Variants in KHDRBS2 observed in about 807,000 individuals in gnomAD.
KHDRBS2 encodes the protein KH domain-containing, RNA-binding, signal transduction-associated protein 2.
Under a neutral mutation model 44.3 loss-of-function variants are expected in KHDRBS2, and 26 were observed. That is an observed-to-expected ratio of 0.59 (90% CI 0.43 to 0.81). The LOEUF (loss-of-function observed/expected upper bound fraction) is 0.81. Ranked by LOEUF, KHDRBS2 falls within the 40% of genes least tolerant of loss-of-function variation. The probability of loss-of-function intolerance (pLI) is 0.00; values close to 1 mark genes in which losing one functional copy is unlikely to be tolerated. For synonymous variants in KHDRBS2, 194 were observed against 151.1 expected (o/e 1.28, Z -2.08); for missense variants, 476 against 433.1 (o/e 1.10, Z -0.88).
At chr6:62,038,830 AC>A (rs1785860869) in intron 3 of KHDRBS2, among the ~76,000 whole-genome samples, 2 of 151,848 alleles carry the variant, frequency 1.3e-5, no homozygotes, top group Non-Finnish European at 2.9e-5. Context: ...AACAACAACA[AC>A]CTTTGCATCA....
At chr6:61,638,578 A>T in the KHDRBS2 span, among the ~76,000 whole-genome samples, 5 of 152,166 alleles carry the variant, frequency 3.3e-5, no homozygotes, top group Non-Finnish European at 7.3e-5. Flanking sequence ...AGGCATTACC[A>T]TTCAGGGCAT....
chr6:62,094,250 T>C (rs1192242778), intron 2 of KHDRBS2, among the ~76,000 whole-genome samples: 2 of 151,908 alleles, frequency 1.3e-5, no homozygotes, highest in African/African-American at 4.8e-5. Flanking sequence ...GTAAGGGGTA[T>C]CTCATTTTAA....
chr6:61,640,056 T>C, the KHDRBS2 span, among the ~76,000 whole-genome samples: 3 of 152,074 alleles, frequency 2.0e-5, no homozygotes, highest in Non-Finnish European at 4.4e-5. Context: ...TGGATGATAC[T>C]AAGAATCTGT....
intron 6 of KHDRBS2, among the ~76,000 whole-genome samples, chr6:61,754,047 C>G (rs1451552964): frequency 6.6e-6 from 1 of 152,110 alleles, no homozygotes; most frequent in Non-Finnish European, 1.5e-5. Flanking sequence ...CCAGAGGGAA[C>G]AAGTTCTCAT....
At chr6:62,174,818 A>G (rs1311318042) in intron 2 of KHDRBS2, among the ~76,000 whole-genome samples, 1 of 151,806 alleles carries the variant, frequency 6.6e-6, no homozygotes, top group African/African-American at 2.4e-5. Flanking sequence ...TGAAGGATAA[A>G]TCACTTTTTT....
chr6:61,609,268 G>T, the KHDRBS2 span, among the ~76,000 whole-genome samples: 2 of 152,294 alleles, frequency 1.3e-5, no homozygotes, highest in African/African-American at 2.4e-5. Context: ...CTGAGGCAGA[G>T]AATCGCTTAA....
intron 1 of KHDRBS2, among the ~76,000 whole-genome samples, chr6:62,247,634 GT>G (rs1835818347): frequency 6.6e-6 from 1 of 151,916 alleles, no homozygotes; most frequent in Non-Finnish European, 1.5e-5. Context: ...GTTGTCTTAG[GT>G]TCTCTAAGCA....
At chr6:61,678,403 T>A (rs1417251327), downstream of KHDRBS2, among the ~76,000 whole-genome samples, 1 of 151,986 alleles carries the variant, frequency 6.6e-6, no homozygotes, top group African/African-American at 2.4e-5. Context: ...AGCTTACTGA[T>A]CAGTCTAATG....
At chr6:62,163,353 A>C (rs1818029918) in intron 2 of KHDRBS2, among the ~76,000 whole-genome samples, 1 of 152,088 alleles carries the variant, frequency 6.6e-6, no homozygotes, top group Non-Finnish European at 1.5e-5. Context: ...GGAAAAACTG[A>C]ACAGCAATGT....
At chr6:62,026,235 A>G (rs1225921172) in intron 3 of KHDRBS2, among the ~76,000 whole-genome samples, 1 of 151,324 alleles carries the variant, frequency 6.6e-6, no homozygotes, top group Non-Finnish European at 1.5e-5. Context: ...CACTTTCCCC[A>G]CTTGGCAATA....
At chr6:62,090,049 A>G (rs915318950) in intron 2 of KHDRBS2, among the ~76,000 whole-genome samples, 1 of 152,206 alleles carries the variant, frequency 6.6e-6, no homozygotes, top group African/African-American at 2.4e-5. Context: ...TAGAAAAAGC[A>G]TTAGTAAATG....
chr6:61,877,091 T>C (rs1562353375), intron 6 of KHDRBS2, among the ~76,000 whole-genome samples: 1 of 152,040 alleles, frequency 6.6e-6, no homozygotes, highest in Admixed American at 6.6e-5. Flanking sequence ...TGCCACAATG[T>C]CAGAGTTGAG....
intron 3 of KHDRBS2, among the ~76,000 whole-genome samples, chr6:61,978,698 A>G (rs1013492149): frequency 1.3e-5 from 2 of 152,114 alleles, no homozygotes; most frequent in Non-Finnish European, 2.9e-5. Flanking sequence ...TATACAAGTC[A>G]AGGCTTATTT....
intron 6 of KHDRBS2, among the ~76,000 whole-genome samples, chr6:61,792,974 A>G (rs1254833348): frequency 1.3e-5 from 2 of 151,966 alleles, no homozygotes; most frequent in East Asian, 1.9e-4. Context: ...TAAGAAGATT[A>G]AGACCAGTAA....
chr6:61,976,725 T>C (rs1351539671), intron 4 of KHDRBS2, among the ~76,000 whole-genome samples: 2 of 152,180 alleles, frequency 1.3e-5, no homozygotes, highest in African/African-American at 4.8e-5. Flanking sequence ...CTTGAAGTCA[T>C]GTAGTATGTT....
intron 2 of KHDRBS2, among the ~76,000 whole-genome samples, chr6:62,157,215 C>T (rs1041363688): frequency 6.6e-6 from 1 of 151,304 alleles, no homozygotes; most frequent in Non-Finnish European, 1.5e-5. Context: ...CCCAGCTACT[C>T]GGGAGGCTGT....
intron 3 of KHDRBS2, among the ~76,000 whole-genome samples, chr6:62,042,805 C>T (rs1275003570): frequency 2.0e-5 from 3 of 152,090 alleles, no homozygotes; most frequent in Non-Finnish European, 4.4e-5. Flanking sequence ...AGAAACTGCA[C>T]ATTATTACTG....
At chr6:61,954,954 A>G (rs1476745845) in intron 4 of KHDRBS2, among the ~76,000 whole-genome samples, 5 of 142,044 alleles carry the variant, frequency 3.5e-5, no homozygotes, top group Admixed American at 2.1e-4. Flanking sequence ...GTATACATAT[A>G]TATGTATATA....
At chr6:62,208,992 A>G (rs968255152) in intron 1 of KHDRBS2, among the ~76,000 whole-genome samples, 1 of 152,222 alleles carries the variant, frequency 6.6e-6, no homozygotes, top group African/African-American at 2.4e-5. Flanking sequence ...AAAGCAAAAA[A>G]TAAATAAATG....
Sources: allele counts gnomAD v4.1 joint callset (sites outside exome capture counted in the v4.1 genomes callset), GRCh38; gene constraint gnomAD v4.1.1; transcripts MANE v1.5; gene names NCBI Gene and HGNC (gene_info 2026-07-23, HGNC 2026-07-21).